The following MYT1L variants were observed in gnomAD, a reference collection of about 807,000 sequenced individuals.
MYT1L encodes myelin transcription factor 1 like, also known as myelin transcription factor 1-like protein.
A neutral mutation model predicts 126.7 loss-of-function variants in MYT1L; 12 were observed. The observed-to-expected ratio is 0.09, with a 90% CI of 0.06 to 0.15. The LOEUF is 0.15. Ranked by LOEUF, MYT1L falls within the 10% of genes least tolerant of loss-of-function variation. The probability of loss-of-function intolerance (pLI) is 1.00; values close to 1 mark genes in which losing one functional copy is unlikely to be tolerated. For missense variants in MYT1L, 979 were observed against 1,585.2 expected, an observed-to-expected ratio of 0.62 and a Z score of 6.49; for synonymous variants, 541 against 604.2, an observed-to-expected ratio of 0.90 and a Z score of 1.53.
At chr2:2,237,340 C>G (rs770667473) in intron 2 of MYT1L, among the ~76,000 whole-genome samples, 15 of 152,116 alleles carry the variant, frequency 9.9e-5, no homozygotes, top group Non-Finnish European at 2.2e-4. Flanking sequence ...TGTGAAACAT[C>G]TTTACCTTGC....
intron 5 of MYT1L, among the ~76,000 whole-genome samples, chr2:1,990,750 G>A (rs950957288): frequency 6.6e-6 from 1 of 152,166 alleles, no homozygotes; most frequent in Non-Finnish European, 1.5e-5. Context: ...GGACTGCCAG[G>A]ACCAGCCCTG....
intron 14 of MYT1L, among the ~76,000 whole-genome samples, chr2:1,894,998 T>C (rs1040524375): frequency 6.6e-6 from 1 of 152,240 alleles, no homozygotes. Flanking sequence ...ACGATGTGTT[T>C]GTCTGGGAGA....
Position 1,892,040 on chromosome 2 carries a change from C to G in MYT1L, c.2280G>C (p.Thr760=). 6.5e-7 allele frequency: 1 copy of G among 1,527,638 alleles called. No individual in the cohort carries two copies. Among genetic ancestry groups the G allele is most frequent in the Non-Finnish European group, 8.8e-7 (1 of 1,138,670 alleles). The allele number at this position is 1,527,638 out of a possible 1,614,324, so 94.6% of individuals were successfully genotyped here. Residue 760 remains threonine (T), a synonymous_variant, in exon 15 of 25, where the codon ACG becomes ACC. Coordinates refer to ENST00000647738, the MANE Select transcript of MYT1L (RefSeq NM_001303052.2). ...CCACCTGCCCAGGCGCGCGTACCCGCGTGGCGCACAGGTCCTGCGGCTTGG... is the reference window on the plus strand; with the variant it reads ...CCACCTGCCCAGGCGCGCGTACCCGGGTGGCGCACAGGTCCTGCGGCTTGG... ...LSTKPQDLCA[T]RNPDMEVDEN... is the part of the protein sequence containing the mutation.
At chr2:1,828,564 G>C (rs2039689297) in intron 21 of MYT1L, 1 of 152,238 alleles carries the variant, frequency 6.6e-6, no homozygotes, top group South Asian at 2.1e-4. Context: ...ACTGTGATGT[G>C]TGTAGACCTC....
At chr2:2,177,778 C>T (rs931645633) in intron 2 of MYT1L, among the ~76,000 whole-genome samples, 7 of 152,176 alleles carry the variant, frequency 4.6e-5, no homozygotes, top group African/African-American at 1.7e-4. Context: ...ACCACCCCCA[C>T]GATCCAATCA....
intron 1 of MYT1L, among the ~76,000 whole-genome samples, chr2:2,327,723 G>A (rs2096259344): frequency 2.0e-5 from 3 of 152,118 alleles, no homozygotes; most frequent in African/African-American, 7.2e-5. Context: ...TATAGCCCTG[G>A]TCTAAAAGGG....
intron 3 of MYT1L, among the ~76,000 whole-genome samples, chr2:2,127,976 C>T (rs752858085): frequency 5.2e-4 from 79 of 152,174 alleles, no homozygotes; most frequent in Non-Finnish European, 9.7e-4. Context: ...TGCTACCTAA[C>T]AGATTTGCTG....
rs2043202863 is a variant in MYT1L, at chr2:1,851,053, CTAAATTCCATGT to C, written c.2774+576_2774+587del. 2.6e-5 allele frequency among the ~76,000 whole-genome samples: 4 copies of C among 152,272 alleles called. No homozygotes were observed. The South Asian group carries it at 8.3e-4, about 32-fold the overall frequency. On this transcript the variant is annotated intron_variant, in intron 19 of 24. Coordinates refer to ENST00000647738, the MANE Select transcript of MYT1L (RefSeq NM_001303052.2). ...CATTCTCGGCTAAATAGTGCCTGTC[CTAAATTCCATGT>C]TAATCCAGTAGTTACTGAATGTCAA...
chr2:2,185,599 C>G (rs1043361399), intron 2 of MYT1L, among the ~76,000 whole-genome samples: 1 of 146,754 alleles, frequency 6.8e-6, no homozygotes, highest in African/African-American at 2.6e-5. Flanking sequence ...CCAGGCCTTC[C>G]GGGCCTTCCC....
chr2:2,003,889 T>G (rs1171683813), intron 4 of MYT1L, among the ~76,000 whole-genome samples: 1 of 152,156 alleles, frequency 6.6e-6, no homozygotes, highest in Non-Finnish European at 1.5e-5. Flanking sequence ...TTTTCCATCA[T>G]GAAGCCTAAT....
intron 18 of MYT1L, among the ~76,000 whole-genome samples, chr2:1,882,096 G>A (rs940724470): frequency 2.0e-5 from 3 of 152,098 alleles, no homozygotes; most frequent in Non-Finnish European, 2.9e-5. Context: ...CTTTCCTCAC[G>A]AAGGTGACAG....
chr2:1,914,433 C>T (rs1430025522), intron 11 of MYT1L, among the ~76,000 whole-genome samples: 1 of 152,078 alleles, frequency 6.6e-6, no homozygotes, highest in Non-Finnish European at 1.5e-5. Flanking sequence ...GGCCAAACTT[C>T]CCATGTATGG....
chr2:2,062,864 G>A (rs924132161), intron 3 of MYT1L, among the ~76,000 whole-genome samples: 2 of 152,016 alleles, frequency 1.3e-5, no homozygotes, highest in African/African-American at 4.8e-5. Context: ...AAGAATGAGG[G>A]GGTGTGTAGA....
At chr2:1,861,921 C>T (rs1354608854) in intron 18 of MYT1L, among the ~76,000 whole-genome samples, 3 of 152,332 alleles carry the variant, frequency 2.0e-5, no homozygotes, top group Admixed American at 6.5e-5. Context: ...CCTGGATCCT[C>T]CTGCAGCCTG....
chr2:2,243,396 C>T (rs147246364), intron 2 of MYT1L, among the ~76,000 whole-genome samples: 187 of 152,302 alleles, frequency 1.2e-3, no homozygotes, highest in African/African-American at 4.3e-3. Flanking sequence ...TTACATCGGA[C>T]TATACCTTTA....
At position 1,910,154 on chromosome 2, in the gene MYT1L, C is replaced by T. The variant is rs1421317900; in HGVS notation, c.1817+86G>A. 1.6e-6 allele frequency: 2 copies of T among 1,238,936 alleles called. No individual in the cohort carries two copies. The highest frequency in any genetic ancestry group is 1.2e-6 in the Non-Finnish European group (1 of 868,658). 76.7% of individuals were successfully genotyped at this position (1,238,936 alleles called of 1,614,324 possible). A position where few individuals can be genotyped will look rare whatever the true frequency, so the allele number is the denominator to read the frequency against. On this transcript the variant is annotated intron_variant, in intron 13 of 24. Transcript: ENST00000647738. This position sits in a 1 kb window ranked among gnomAD's most constrained non-coding sequence, Gnocchi z 4.8. ...GTCCCTGCCCCTGCTGCTGTAGGGA[C>T]ATGCCCTGAGCGGGTGTCCCCAGCG...
intron 8 of MYT1L, among the ~76,000 whole-genome samples, chr2:1,964,008 C>T (rs114500654): frequency 0.012 from 1,860 of 152,274 alleles, 45 homozygotes; most frequent in African/African-American, 0.042. Flanking sequence ...GCTTTTGGCA[C>T]GCCTTCCTCT....
intron 21 of MYT1L, among the ~76,000 whole-genome samples, chr2:1,837,511 T>C (rs1382765896): frequency 6.6e-6 from 1 of 152,198 alleles, no homozygotes; most frequent in African/African-American, 2.4e-5. Context: ...CTAGCATTCT[T>C]GTTTCCAGGA....
rs1450892494 is a variant in MYT1L at position 1,882,355 on chromosome 2, C to T, written c.2711+4184G>A. Among the ~76,000 whole-genome samples, 6 of 152,108 alleles carry T rather than the reference C, an allele frequency of 3.9e-5. No individual in the cohort carries two copies. The East Asian group carries it at 7.8e-4, about 20-fold the overall frequency. On this transcript the variant is annotated intron_variant, in intron 18 of 24. Transcript: ENST00000647738. The stretch of plus-strand genomic sequence containing the variant: ...ACGCGCATGGCTGATCACGTGCACC[C>T]GGGTGCTCTCGGGTGAGCCAAGTCA...
Sources: gnomAD v4.1 joint callset for allele counts (sites outside exome capture counted in the v4.1 genomes callset) on GRCh38, gnomAD v4.1.1 for gene constraint, Gnocchi (gnomAD v3.1) non-coding constraint, MANE v1.5 for transcripts, NCBI Gene and HGNC (gene_info 2026-07-23, HGNC 2026-07-21) for gene names.